Variants in NRG1 observed in about 807,000 individuals in gnomAD.
The protein encoded by NRG1 is neuregulin 1, also known as pro-neuregulin-1, membrane-bound isoform.
In NRG1, 18 loss-of-function variants were observed where a neutral mutation model predicts 63.8. The observed-to-expected ratio is 0.28, with a 90% CI of 0.19 to 0.42. NRG1 has a LOEUF of 0.42. Ranked by LOEUF, NRG1 falls within the 10% of genes least tolerant of loss-of-function variation. NRG1 has a pLI of 1.00. For missense variants in NRG1, 762 were observed against 814.7 expected, an observed-to-expected ratio of 0.94 and a Z score of 0.79; for synonymous variants, 302 against 301.3, an observed-to-expected ratio of 1.00 and a Z score of -0.02.
intron 1 of NRG1, among the ~76,000 whole-genome samples, chr8:32,312,374 T>C (rs2016508): frequency 0.95 from 130,380 of 137,032 alleles, 62,118 homozygotes; most frequent in African/African-American, 0.99. Flanking sequence ...GGGATTTCAC[T>C]ATGTTGGCCA....
intron 1 of NRG1, among the ~76,000 whole-genome samples, chr8:32,103,464 T>C (rs1421156551): frequency 1.3e-5 from 2 of 152,234 alleles, no homozygotes; most frequent in Non-Finnish European, 2.9e-5. Flanking sequence ...TTCCAAATAT[T>C]GGCTATTGTG....
chr8:32,407,294 TTATA>T (rs1226138188), intron 1 of NRG1, among the ~76,000 whole-genome samples: 3 of 3,768 alleles, frequency 8.0e-4, no homozygotes, highest in African/African-American at 1.2e-3. Flanking sequence ...TATATATATA[TTATA>T]TATATATATA....
intron 1 of NRG1, among the ~76,000 whole-genome samples, chr8:32,517,549 G>T (rs1829949868): frequency 6.6e-6 from 1 of 152,084 alleles, no homozygotes; most frequent in Non-Finnish European, 1.5e-5. Flanking sequence ...TCTATGTGTT[G>T]GTGAAAACTG....
rs536251022 is a variant in NRG1 at position 32,729,606 on chromosome 8, A to G, written c.632+1528A>G. On this transcript the variant is annotated intron_variant, in intron 6 of 11. Coordinates refer to ENST00000356819, the Ensembl canonical transcript of NRG1. ...AGAGGCAATTGAACTGATAGGAGCA[A>G]TTAGCAAAATGAAAAAGGCACCAGA... Among the ~76,000 whole-genome samples, 7 of 152,378 alleles carry G rather than the reference A, an allele frequency of 4.6e-5. No homozygotes were observed. The South Asian group carries it at 1.4e-3, about 32-fold the overall frequency.
At chr8:31,783,001 G>A (rs1488579940) in intron 1 of NRG1, among the ~76,000 whole-genome samples, 3 of 152,154 alleles carry the variant, frequency 2.0e-5, no homozygotes, top group Non-Finnish European at 4.4e-5. Context: ...TCTGGTTTAT[G>A]CAATACCAAT....
intron 1 of NRG1, among the ~76,000 whole-genome samples, chr8:31,655,590 G>A (rs1196206997): frequency 6.6e-6 from 1 of 152,228 alleles, no homozygotes; most frequent in East Asian, 1.9e-4. Context: ...TAGACTTCCA[G>A]GATTCCAGAT....
At chr8:32,321,834 T>A (rs1304509820) in intron 1 of NRG1, among the ~76,000 whole-genome samples, 2 of 128,746 alleles carry the variant, frequency 1.6e-5, no homozygotes, top group East Asian at 4.8e-4. Flanking sequence ...TTGTTCCTGT[T>A]GCTTTTTGTT....
intron 5 of NRG1, among the ~76,000 whole-genome samples, chr8:32,670,698 T>A (rs1468465282): frequency 6.6e-6 from 1 of 152,206 alleles, no homozygotes; most frequent in African/African-American, 2.4e-5. Context: ...TGTTACCCCC[T>A]AATACACAGA....
At chr8:32,488,863 T>C (rs1409459298) in intron 1 of NRG1, among the ~76,000 whole-genome samples, 1 of 152,114 alleles carries the variant, frequency 6.6e-6, no homozygotes, top group African/African-American at 2.4e-5. Context: ...ATGGCTGGGA[T>C]TGTTACCAGT....
intron 1 of NRG1, among the ~76,000 whole-genome samples, chr8:32,035,218 A>G (rs534050189): frequency 6.6e-6 from 1 of 152,116 alleles, no homozygotes; most frequent in African/African-American, 2.4e-5. Flanking sequence ...GGTGTCATTC[A>G]GGAGCAGGTT....
intron 1 of NRG1, among the ~76,000 whole-genome samples, chr8:31,811,712 C>A (rs80182253): frequency 6.6e-6 from 1 of 151,994 alleles, no homozygotes; most frequent in African/African-American, 2.4e-5. Context: ...TGCCTTTGAT[C>A]AGAAATTATT....
At chr8:31,663,894 A>G (rs1806259030) in intron 1 of NRG1, among the ~76,000 whole-genome samples, 1 of 152,162 alleles carries the variant, frequency 6.6e-6, no homozygotes, top group South Asian at 2.1e-4. Flanking sequence ...GAGAGAAAGC[A>G]AAGAGAGTAG....
chr8:32,490,325 C>T (rs951267393), intron 1 of NRG1, among the ~76,000 whole-genome samples: 1 of 151,546 alleles, frequency 6.6e-6, no homozygotes, highest in East Asian at 1.9e-4. Context: ...AAACTGGGGG[C>T]CACACAACAG....
At chr8:31,826,939 C>T (rs1824626785) in intron 1 of NRG1, among the ~76,000 whole-genome samples, 2 of 151,944 alleles carry the variant, frequency 1.3e-5, no homozygotes, top group Admixed American at 1.3e-4. Context: ...ATTGATATAC[C>T]TCCTTCATAA....
At chr8:31,994,658 A>AAAAG (rs955139734) in intron 1 of NRG1, among the ~76,000 whole-genome samples, 5 of 147,588 alleles carry the variant, frequency 3.4e-5, no homozygotes, top group African/African-American at 1.3e-4. Context: ...TGTCTCAAAA[A>AAAAG]AAAAAAAAAA....
intron 1 of NRG1, among the ~76,000 whole-genome samples, chr8:32,528,129 C>T (rs960045104): frequency 3.9e-5 from 6 of 152,176 alleles, no homozygotes; most frequent in African/African-American, 1.4e-4. Flanking sequence ...CCTTAAATAC[C>T]ACCTCTTTGG....
exon 10 of NRG1, chr8:32,759,382 A>G (rs1185512439): frequency 1.2e-6 from 2 of 1,613,984 alleles, no homozygotes; most frequent in Non-Finnish European, 1.7e-6. Flanking sequence ...TCCACCAGTC[A>G]CTATACTTCC....
At chr8:32,517,401 C>T (rs1829932363) in intron 1 of NRG1, among the ~76,000 whole-genome samples, 1 of 152,086 alleles carries the variant, frequency 6.6e-6, no homozygotes, top group Non-Finnish European at 1.5e-5. Flanking sequence ...GATATACCTT[C>T]TAAGTGGTAC....
intron 1 of NRG1, among the ~76,000 whole-genome samples, chr8:32,284,477 C>CCTG (rs1853254538): frequency 2.1e-4 from 29 of 141,324 alleles, no homozygotes; most frequent in African/African-American, 7.3e-4. Context: ...ATGCTTGCCT[C>CCTG]CCTGCCTGCC....
Sources: allele counts gnomAD v4.1 joint callset (sites outside exome capture counted in the v4.1 genomes callset), GRCh38; gene constraint gnomAD v4.1.1; transcripts MANE v1.5; gene names NCBI Gene and HGNC (gene_info 2026-07-23, HGNC 2026-07-21).